DNAAF10: variants seen among roughly 807,000 people sequenced by gnomAD.
DNAAF10 encodes the protein WD repeat domain 92.
A neutral mutation model predicts 43.7 loss-of-function variants in DNAAF10; 28 were observed. The observed-to-expected ratio is 0.64, with a 90% CI of 0.48 to 0.88. The LOEUF is 0.88. Among genes scored for constraint, DNAAF10 ranks in the 40% least tolerant of loss-of-function variants. The pLI, the probability that DNAAF10 is intolerant of heterozygous loss-of-function variation, is 0.00. For synonymous variants in DNAAF10, 156 were observed against 157.3 expected (o/e 0.99, Z 0.06); for missense variants, 403 against 439.1 (o/e 0.92, Z 0.73).
chr2:68,157,297 G>C lies in DNAAF10; in HGVS notation c.147C>G (p.Tyr49Ter). The change falls in exon 1 of 8, where the codon TAC (tyrosine) becomes TAG (stop). Residue 49 changes from tyrosine (Y) to a stop codon, truncating the protein, a stop_gained. Transcript: ENST00000295121. LOFTEE classifies it high-confidence loss of function. ...GCTTCAGGTCCCCGTGCTGGATCTCGTACAGCTGAATGACGCCGGTGCCCC... is the reference window on the plus strand; with the variant it reads ...GCTTCAGGTCCCCGTGCTGGATCTCCTACAGCTGAATGACGCCGGTGCCCC... The part of the protein sequence containing the change: ...FARGTGVIQL[Y>*]EIQHGDLKLL... 4.3e-6 allele frequency: 7 copies of C among 1,614,100 alleles called. No homozygotes were observed. Among genetic ancestry groups the C allele is most frequent in the African/African-American group, 1.3e-5 (1 of 75,028 alleles).
chr2:68,151,187 C>T lies in DNAAF10; in HGVS notation c.184-3620G>A, dbSNP rs1182283991. ...CTATGGTATACAAAATGCAAAAAGT[C>T]CTTTGGGATCTGGTCTTGTGTGTGT... On this transcript the variant is annotated intron_variant, in intron 1 of 7. Coordinates refer to ENST00000295121, the MANE Select transcript of DNAAF10 (RefSeq NM_138458.4). 2.6e-5 allele frequency among the ~76,000 whole-genome samples: 4 copies of T among 152,176 alleles called. No individual in the cohort carries two copies. The East Asian group carries it at 7.7e-4, about 29-fold the overall frequency.
intron 3 of DNAAF10, among the ~76,000 whole-genome samples, chr2:68,142,714 CA>C (rs1673218198): frequency 6.8e-6 from 1 of 146,338 alleles, no homozygotes; most frequent in East Asian, 2.0e-4. Flanking sequence ...TCACTACCTA[CA>C]AAAAATGCAA....
In DNAAF10 at chr2:68,144,726, A is replaced by G; in HGVS notation, c.285-11T>C. 6.2e-7 allele frequency: 1 copy of G among 1,606,304 alleles called. No individual in the cohort carries two copies. Among genetic ancestry groups the G allele is most frequent in the African/African-American group, 1.3e-5 (1 of 74,378 alleles). On this transcript the variant is annotated splice_polypyrimidine_tract_variant and intron_variant, in intron 2 of 7. Transcript: ENST00000295121. ...GGAGCTTCTAAATTCCTAAACAACAAACACAGCTTCTTACACCACATATCC... is the reference window on the plus strand; with the variant it reads ...GGAGCTTCTAAATTCCTAAACAACAGACACAGCTTCTTACACCACATATCC...
chr2:68,146,046 G>C (rs751115585), intron 2 of DNAAF10, among the ~76,000 whole-genome samples: 1 of 152,146 alleles, frequency 6.6e-6, no homozygotes, highest in Non-Finnish European at 1.5e-5. Flanking sequence ...TAGATCACCT[G>C]AGGTCAGGAG....
chr2:68,144,693 G>A lies in DNAAF10; in HGVS notation c.307C>T (p.Pro103Ser), dbSNP rs1332746156. ...TTATGGCCCTTTACAGAATATACTGGCATCTCTGGAGCTTCTAAATTCCTA... is the reference window on the plus strand; with the variant it reads ...TTATGGCCCTTTACAGAATATACTGACATCTCTGGAGCTTCTAAATTCCTA... ...HIWNLEAPEMPVYSVKGHKEI... is the reference protein window; with the variant it reads ...HIWNLEAPEMSVYSVKGHKEI... Residue 103 changes from proline (P) to serine (S), a missense_variant, in exon 3 of 8, where the codon CCA becomes TCA. Physicochemically the swap from Pro to Ser is moderately conservative, Grantham distance 74 (BLOSUM62 -1). Transcript: ENST00000295121. 4 of 1,612,928 alleles carry A rather than the reference G, an allele frequency of 2.5e-6. No individual in the cohort carries two copies. The highest frequency in any genetic ancestry group is 3.3e-5 in the Admixed American group (2 of 59,716).
intron 1 of DNAAF10, among the ~76,000 whole-genome samples, chr2:68,153,552 C>A (rs1673507420): frequency 6.6e-6 from 1 of 151,866 alleles, no homozygotes; most frequent in South Asian, 2.1e-4. Flanking sequence ...CCAGATGCAA[C>A]AAAGTTGTAC....
In DNAAF10 at chr2:68,139,676, C is replaced by T. The variant is rs539822846; in HGVS notation, c.518-819G>A. On this transcript the variant is annotated intron_variant, in intron 4 of 7. Transcript: ENST00000295121. ...AAAATTAGCCGGGTGTGGTGGCAGG[C>T]GCCTGTAGTCCCAGCTACTCGGGAG... Among the ~76,000 whole-genome samples the T allele has an allele frequency of 1.7e-3, 261 of 149,996 alleles. 1 individual carries two copies. The highest frequency in any genetic ancestry group is 5.9e-3 in the African/African-American group (243 of 40,908).
intron 1 of DNAAF10, 140 bp downstream of exon 1, chr2:68,157,121 G>A (rs1422056940): frequency 2.6e-6 from 3 of 1,144,680 alleles, no homozygotes; most frequent in Admixed American, 2.5e-5. Flanking sequence ...TTCCTCAGTC[G>A]GCGGTCAGCT....
At chr2:68,155,793 G>C (rs374160631) in intron 1 of DNAAF10, among the ~76,000 whole-genome samples, 2 of 152,028 alleles carry the variant, frequency 1.3e-5, no homozygotes, top group Admixed American at 6.6e-5. Flanking sequence ...AATCTGAACT[G>C]AACATTGGAA....
chr2:68,132,244 C>T (rs1362872487), intron 7 of DNAAF10, among the ~76,000 whole-genome samples: 1 of 152,198 alleles, frequency 6.6e-6, no homozygotes, highest in Non-Finnish European at 1.5e-5. Context: ...ATTATGACAA[C>T]ATCTTTATTT....
chr2:68,136,812 AAAGTT>A (rs1296888061), intron 6 of DNAAF10, among the ~76,000 whole-genome samples: 6 of 152,226 alleles, frequency 3.9e-5, no homozygotes, highest in African/African-American at 1.4e-4. Context: ...AATGCAAGGC[AAAGTT>A]AAGTAAGTAA....
chr2:68,137,199 C>A (rs1673064427), intron 6 of DNAAF10, 100 bp downstream of exon 6: 3 of 1,350,876 alleles, frequency 2.2e-6, no homozygotes, highest in Non-Finnish European at 2.9e-6. Context: ...TAGCTCCCTT[C>A]ACATAAAGAC....
At chr2:68,141,832 A>C (rs763948185) in intron 3 of DNAAF10, 37 bp from the exon 4 acceptor site, 1 of 1,532,880 alleles carries the variant, frequency 6.5e-7, no homozygotes, top group Non-Finnish European at 9.0e-7. Context: ...AAAATTCAAA[A>C]GTAAATGATT....
At position 68,138,822 on chromosome 2, in the gene DNAAF10, C is replaced by A. The variant is rs932411575; in HGVS notation, c.553G>T (p.Ala185Ser). Residue 185 changes from alanine to serine, a missense_variant, in exon 5 of 8, where the codon GCT (alanine) becomes TCT (serine). Transcript: ENST00000295121. ...TTGATATCCCCATTGTCATAGCCAGCACAAACAACACGTTCTTCTTGATTA... is the reference window on the plus strand; with the variant it reads ...TTGATATCCCCATTGTCATAGCCAGAACAAACAACACGTTCTTCTTGATTA... ...AYNQEERVVCAGYDNGDIKLF... is the reference protein window; with the variant it reads ...AYNQEERVVCSGYDNGDIKLF... 1 of 1,613,894 alleles carries A rather than the reference C, an allele frequency of 6.2e-7. No homozygotes were observed. Among genetic ancestry groups the A allele is most frequent in the African/African-American group, 1.3e-5 (1 of 74,920 alleles).
At chr2:68,133,735 G>A (rs915157200) in intron 7 of DNAAF10, among the ~76,000 whole-genome samples, 3 of 152,130 alleles carry the variant, frequency 2.0e-5, no homozygotes, top group African/African-American at 7.2e-5. Context: ...CTGGGTGACA[G>A]AGCAAGACTT....
intron 1 of DNAAF10, among the ~76,000 whole-genome samples, chr2:68,153,066 G>GA (rs1380806411): frequency 6.6e-6 from 1 of 152,020 alleles, no homozygotes; most frequent in Admixed American, 6.5e-5. Flanking sequence ...GTGCCAATGA[G>GA]AAAAAAGTTG....
intron 3 of DNAAF10, among the ~76,000 whole-genome samples, chr2:68,144,071 C>T (rs988140437): frequency 1.2e-4 from 19 of 152,270 alleles, no homozygotes; most frequent in Admixed American, 3.9e-4. Flanking sequence ...AGTACCACTT[C>T]GGACACCAAA....
At chr2:68,154,512 C>G (rs957548162) in intron 1 of DNAAF10, among the ~76,000 whole-genome samples, 8 of 152,192 alleles carry the variant, frequency 5.3e-5, no homozygotes, top group African/African-American at 1.9e-4. Context: ...TCCCAAAGTG[C>G]TGGGATTACA....
chr2:68,143,191 C>G (rs932014311), intron 3 of DNAAF10, among the ~76,000 whole-genome samples: 2 of 151,572 alleles, frequency 1.3e-5, no homozygotes, highest in Admixed American at 6.6e-5. Flanking sequence ...AAAAAAAAAT[C>G]CCAGATATAG....
Sources: gnomAD v4.1 joint callset for allele counts (sites outside exome capture counted in the v4.1 genomes callset) on GRCh38, gnomAD v4.1.1 for gene constraint, MANE v1.5 for transcripts, NCBI Gene and HGNC (gene_info 2026-07-23, HGNC 2026-07-21) for gene names.